The following KDM4A variants were observed in gnomAD, a reference collection of about 807,000 sequenced individuals.
KDM4A encodes the protein lysine-specific demethylase 4A.
Under a neutral mutation model 127.1 loss-of-function variants are expected in KDM4A, and 23 were observed. The ratio of observed to expected loss-of-function variants is 0.18; its 90% CI spans 0.13 to 0.26. KDM4A has a LOEUF of 0.26. Among genes scored for constraint, KDM4A ranks in the 10% least tolerant of loss-of-function variants. The pLI is 1.00. For synonymous variants in KDM4A, 443 were observed against 466.5 expected, an observed-to-expected ratio of 0.95 and a Z score of 0.65; for missense variants, 890 against 1,329.1, an observed-to-expected ratio of 0.67 and a Z score of 5.14.
Position 43,704,799 on chromosome 1 carries a change from G to A in KDM4A, c.*429G>A, listed in dbSNP as rs532870827. The A allele has an allele frequency of 7.0e-5, 12 of 171,300 alleles. No homozygotes were observed. Among genetic ancestry groups the A allele is most frequent in the Admixed American group, 4.1e-4 (7 of 17,000 alleles). 10.6% of individuals were successfully genotyped at this position (171,300 alleles called of 1,614,324 possible). ...TGTGTGTGTGTGCGTGCGTGCGTGC[G>A]TGCGTGTATGTTTGGTCTGGACCAG... On this transcript the variant is annotated 3_prime_UTR_variant, in exon 22 of 22. Coordinates refer to ENST00000372396, the MANE Select transcript of KDM4A (RefSeq NM_014663.3).
At chr1:43,689,208 C>T (rs1661053012) in intron 13 of KDM4A, 113 bp downstream of exon 13, 1 of 1,036,300 alleles carries the variant, frequency 9.6e-7, no homozygotes, top group Admixed American at 2.0e-5. Context: ...CCACCTCCAC[C>T]CCCAGCATTC....
In KDM4A at chr1:43,703,639, G is replaced by T; in HGVS notation, c.2864G>T (p.Gly955Val). 2 of 1,614,008 alleles carry T rather than the reference G, an allele frequency of 1.2e-6. No homozygotes were observed. Among genetic ancestry groups the T allele is most frequent in the Non-Finnish European group, 1.7e-6 (2 of 1,179,954 alleles). The change falls in exon 20 of 22, where the codon GGT becomes GTT. Residue 955 changes from glycine (G) to valine (V), a missense_variant. Around this residue, in one of 7 missense-constraint regions of KDM4A, gnomAD observed 246 missense variants for 418.4 expected, o/e 0.59. Transcript: ENST00000372396. ...CAGAGCCAGGACTGTCTCCAGTTTG[G>T]TCCTCCTGCTGAAGGGGAAGTGGTC... Reference protein sequence around the residue: ...DIVSQDCLQFGPPAEGEVVQV... With the variant: ...DIVSQDCLQFVPPAEGEVVQV...
Position 43,692,331 on chromosome 1 carries a change from C to T in KDM4A, c.2375+20C>T. On this transcript the variant is annotated intron_variant, in intron 16 of 21. Coordinates refer to ENST00000372396, the MANE Select transcript of KDM4A (RefSeq NM_014663.3). Reference sequence around the variant, plus strand: ...TGACAGGTAAGTTTCCTGAGCAGTGCCTTGGAATGCACAGGCTCAGTTCCG... The same window carrying T: ...TGACAGGTAAGTTTCCTGAGCAGTGTCTTGGAATGCACAGGCTCAGTTCCG... The T allele has an allele frequency of 6.2e-7, 1 of 1,606,660 alleles. No individual in the cohort carries two copies. The highest frequency in any genetic ancestry group is 8.5e-7 in the Non-Finnish European group (1 of 1,173,898).
In KDM4A at chr1:43,667,071, T is replaced by G. The variant is rs1196073925; in HGVS notation, c.895T>G (p.Tyr299Asp). Residue 299 changes from tyrosine (Y) to aspartate (D), a missense_variant, in exon 8 of 22, where the codon TAC (tyrosine) becomes GAC (aspartate). Around this residue, in one of 7 missense-constraint regions of KDM4A, gnomAD observed 141 missense variants for 273.5 expected, o/e 0.52. Coordinates refer to ENST00000372396, the MANE Select transcript of KDM4A (RefSeq NM_014663.3). Reference protein sequence around the residue: ...TNFATRRWIEYGKQAVLCSCR... With the variant: ...TNFATRRWIEDGKQAVLCSCR... ...TTTTGCTACCCGTCGGTGGATTGAG[T>G]ACGGCAAGCAAGCTGTGCTGGTAAG... 6.2e-7 allele frequency: 1 copy of G among 1,614,180 alleles called. No individual in the cohort carries two copies. The highest frequency in any genetic ancestry group is 8.5e-7 in the Non-Finnish European group (1 of 1,180,030).
At chr1:43,682,946 A>G (rs4660740) in intron 11 of KDM4A, among the ~76,000 whole-genome samples, 26,647 of 152,216 alleles carry the variant, frequency 0.18, 3,128 homozygotes, top group Non-Finnish European at 0.25. Context: ...AAATACGTTG[A>G]TTAGAAAGAA....
intron 4 of KDM4A, among the ~76,000 whole-genome samples, chr1:43,661,344 C>T (rs1660371278): frequency 6.6e-6 from 1 of 151,414 alleles, no homozygotes; most frequent in South Asian, 2.1e-4. Context: ...TGTGGTGGCT[C>T]ACATCTGTAA....
At chr1:43,680,038 T>C (rs1175925690) in intron 11 of KDM4A, among the ~76,000 whole-genome samples, 1 of 152,182 alleles carries the variant, frequency 6.6e-6, no homozygotes, top group East Asian at 1.9e-4. Context: ...CCCTGACCTT[T>C]CTGTTATATA....
At chr1:43,697,054 G>A (rs1271704688) in intron 18 of KDM4A, among the ~76,000 whole-genome samples, 1 of 152,226 alleles carries the variant, frequency 6.6e-6, no homozygotes, top group Non-Finnish European at 1.5e-5. Flanking sequence ...AAGTAGTAAG[G>A]AATGACATCA....
chr1:43,668,256 G>T (rs1167655451), intron 9 of KDM4A, among the ~76,000 whole-genome samples: 1 of 152,120 alleles, frequency 6.6e-6, no homozygotes, highest in Non-Finnish European at 1.5e-5. Flanking sequence ...CTCCCGAGTA[G>T]CTGGGACTAC....
In KDM4A at chr1:43,668,117, GTTTTGTTTTTGT is replaced by G. The variant is rs3838463; in HGVS notation, c.1163+116_1163+127del. ...GGCTGTTTCTTGTTTTTTTTGTTTT[GTTTTGTTTTTGT>G]TTTTGTTTTTGTTTTTGATGGAGTC... is the stretch of plus-strand genomic sequence containing the variant. On this transcript the variant is annotated intron_variant, in intron 9 of 21. Transcript: ENST00000372396. The G allele has an allele frequency of 8.9e-5, 134 of 1,509,994 alleles. 1 individual carries two copies. Among genetic ancestry groups the G allele is most frequent in the African/African-American group, 6.1e-4 (43 of 70,958 alleles). The allele number at this position is 1,509,994 out of a possible 1,614,324, so 93.5% of individuals were successfully genotyped here.
At chr1:43,696,277 T>A (rs1279700858) in intron 18 of KDM4A, among the ~76,000 whole-genome samples, 1 of 152,136 alleles carries the variant, frequency 6.6e-6, no homozygotes, top group Non-Finnish European at 1.5e-5. Flanking sequence ...TGTGGAGTAG[T>A]CAGGTCAGAA....
rs1420897327 is a variant in KDM4A, at chr1:43,704,654, A to G, written c.*284A>G. ...GCCCCAGTCCATAGAGGGGTCAACT[A>G]TGCTGGCTGGACTGGCTGCCTTGTT... On this transcript the variant is annotated 3_prime_UTR_variant, in exon 22 of 22. Coordinates refer to ENST00000372396, the MANE Select transcript of KDM4A (RefSeq NM_014663.3). 2.4e-6 allele frequency: 1 copy of G among 418,230 alleles called. No homozygotes were observed. Among genetic ancestry groups the G allele is most frequent in the Non-Finnish European group, 4.3e-6 (1 of 231,566 alleles). The allele number at this position is 418,230 out of a possible 1,614,324, so 25.9% of individuals were successfully genotyped here.
chr1:43,671,557 A>G lies in KDM4A; in HGVS notation c.1416A>G (p.Leu472=). 6.3e-7 allele frequency: 1 copy of G among 1,599,060 alleles called. No homozygotes were observed. Among genetic ancestry groups the G allele is most frequent in the Non-Finnish European group, 8.5e-7 (1 of 1,174,242 alleles). The change falls in exon 11 of 22, where the codon CTA becomes CTG. Residue 472 remains leucine, a synonymous_variant. Coordinates refer to ENST00000372396, the MANE Select transcript of KDM4A (RefSeq NM_014663.3). ...VKFEELKNVK[L]EEEDEEEEQA... ...TTGAAGAGCTTAAAAATGTCAAACTAGAAGAGGAGGATGAGGAGGAAGAAC... is the reference window on the plus strand; with the variant it reads ...TTGAAGAGCTTAAAAATGTCAAACTGGAAGAGGAGGATGAGGAGGAAGAAC...
chr1:43,692,273 A>C lies in KDM4A; in HGVS notation c.2337A>C (p.Ser779=). ...NALEEDCCLC[S]LRGGALQRAN... is the part of the protein sequence containing the mutation. ...CTTGGCAGGACTGCTGTTTATGCTC[A>C]TTACGAGGAGGGGCCCTGCAGAGAG... The change falls in exon 16 of 22, where the codon TCA becomes TCC. Residue 779 remains serine, a synonymous_variant. Transcript: ENST00000372396. 6.2e-7 allele frequency: 1 copy of C among 1,614,146 alleles called. No homozygotes were observed. Among genetic ancestry groups the C allele is most frequent in the Non-Finnish European group, 8.5e-7 (1 of 1,180,026 alleles).
At chr1:43,659,999 G>C (rs549994906) in intron 3 of KDM4A, among the ~76,000 whole-genome samples, 1 of 152,302 alleles carries the variant, frequency 6.6e-6, no homozygotes, top group South Asian at 2.1e-4. Context: ...GTGGCCACCT[G>C]AATCTAGCAA....
Position 43,691,020 on chromosome 1 carries a change from G to T in KDM4A, c.2213G>T (p.Cys738Phe). The part of the protein sequence containing the change: ...EEDGTSILVS[C>F]KKCSVRVHAS... ...GATGGCACCAGCATACTCGTTTCCT[G>T]CAAGAAGTGCAGCGTCCGGGTCCAT... The change falls in exon 14 of 22, where the codon TGC (cysteine) becomes TTC (phenylalanine). Residue 738 changes from cysteine to phenylalanine, a missense_variant. Physicochemically the swap from Cys to Phe is radical, Grantham distance 205. Transcript: ENST00000372396. The T allele has an allele frequency of 6.2e-7, 1 of 1,614,168 alleles. No homozygotes were observed. The highest frequency in any genetic ancestry group is 8.5e-7 in the Non-Finnish European group (1 of 1,180,020).
Position 43,691,139 on chromosome 1 carries a change from CAA to C in KDM4A, c.2242+94_2242+95del, listed in dbSNP as rs1207856872. ...TTGCCACCTCCTGGCCTCCCAGCCC[CAA>C]AAAGATTGTTGATGTTTTATTGGGG... is the stretch of plus-strand genomic sequence containing the variant. On this transcript the variant is annotated intron_variant, in intron 14 of 21. Coordinates refer to ENST00000372396, the MANE Select transcript of KDM4A (RefSeq NM_014663.3). The C allele has an allele frequency of 2.3e-6, 3 of 1,318,542 alleles. No individual in the cohort carries two copies. The East Asian group carries it at 6.9e-5, about 30-fold the overall frequency. 81.7% of individuals were successfully genotyped at this position (1,318,542 alleles called of 1,614,324 possible).
intron 1 of KDM4A, among the ~76,000 whole-genome samples, chr1:43,651,497 A>G (rs958133304): frequency 1.3e-5 from 2 of 152,172 alleles, no homozygotes; most frequent in Admixed American, 1.3e-4. Flanking sequence ...CTTCTCTCCT[A>G]CCTTACACAG....
intron 18 of KDM4A, among the ~76,000 whole-genome samples, chr1:43,696,590 G>C (rs1570874805): frequency 6.6e-6 from 1 of 152,330 alleles, no homozygotes; most frequent in East Asian, 1.9e-4. Flanking sequence ...AGTGTCTCAA[G>C]GGCCCTGCCC....
Sources: gnomAD v4.1 joint callset for allele counts (sites outside exome capture counted in the v4.1 genomes callset) on GRCh38, gnomAD v4.1.1 for gene constraint, gnomAD v4.1.1 regional missense constraint, MANE v1.5 for transcripts, NCBI Gene and HGNC (gene_info 2026-07-23, HGNC 2026-07-21) for gene names.